RHBDD1: variants seen among roughly 807,000 people sequenced by gnomAD.
RHBDD1 encodes the protein rhomboid domain containing 1, also known as rhomboid-related protein 4.
Under a neutral mutation model 36.3 loss-of-function variants are expected in RHBDD1, and 38 were observed. That is an observed-to-expected ratio of 1.05 (90% confidence interval 0.81 to 1.37). The LOEUF is 1.37. RHBDD1 is among the 40% of genes most tolerant of loss of function. RHBDD1 has a pLI of 0.00. For synonymous variants in RHBDD1, 151 were observed against 136.5 expected (o/e 1.11, Z -0.74); for missense variants, 393 against 377.6 (o/e 1.04, Z -0.34).
intron 5 of RHBDD1, among the ~76,000 whole-genome samples, chr2:226,871,640 C>T (rs1361481570): frequency 2.0e-5 from 3 of 152,072 alleles, no homozygotes; most frequent in Non-Finnish European, 4.4e-5. Flanking sequence ...ATAGAATATC[C>T]CACACTCTAG....
the RHBDD1 span, chr2:226,811,129 T>A: frequency 6.6e-6 from 1 of 152,226 alleles, no homozygotes; most frequent in Non-Finnish European, 1.5e-5. Context: ...GCCATTTCTT[T>A]TCTCCCCGAA....
chr2:226,875,191 G>A lies in RHBDD1; in HGVS notation c.566+7873G>A, dbSNP rs568937046. On this transcript the variant is annotated intron_variant, in intron 5 of 8. Coordinates refer to ENST00000392062, the MANE Select transcript of RHBDD1 (RefSeq NM_001167608.3). ...CAAAGTAGGCAATTAGTAAATATTT[G>A]TTGTTGGATGGACATAAGATAAGGA... Among the ~76,000 whole-genome samples the A allele has an allele frequency of 9.9e-5, 15 of 152,248 alleles. No individual in the cohort carries two copies. The South Asian group carries it at 1.0e-3, about 11-fold the overall frequency.
At chr2:226,990,324 C>T (rs1159248355) in intron 8 of RHBDD1, among the ~76,000 whole-genome samples, 2 of 152,108 alleles carry the variant, frequency 1.3e-5, no homozygotes, top group Admixed American at 6.5e-5. Flanking sequence ...GAACATGGGT[C>T]GCATGCTGCT....
chr2:226,953,590 T>C (rs1951576323), intron 8 of RHBDD1, among the ~76,000 whole-genome samples: 1 of 152,164 alleles, frequency 6.6e-6, no homozygotes. Context: ...CCTTATCACC[T>C]AAGTTTGTTT....
intron 3 of RHBDD1, among the ~76,000 whole-genome samples, chr2:226,863,243 G>A (rs983744804): frequency 2.6e-5 from 4 of 152,216 alleles, no homozygotes; most frequent in Non-Finnish European, 5.9e-5. Context: ...GGAGGCTGAG[G>A]CATAAGAATC....
the RHBDD1 span, among the ~76,000 whole-genome samples, chr2:226,816,309 T>C: frequency 9.2e-5 from 12 of 131,048 alleles, no homozygotes; most frequent in South Asian, 2.8e-3. Flanking sequence ...AGAAACCCAA[T>C]AGCACATTTG....
At chr2:226,921,798 T>C (rs59630650) in intron 8 of RHBDD1, among the ~76,000 whole-genome samples, 70,842 of 151,958 alleles carry the variant, frequency 0.47, 16,778 homozygotes, top group African/African-American at 0.55. Flanking sequence ...AGGAAAAGAA[T>C]GTGTGTTCTG....
chr2:226,903,874 G>A (rs563926372), intron 5 of RHBDD1, among the ~76,000 whole-genome samples: 2 of 152,264 alleles, frequency 1.3e-5, no homozygotes, highest in Admixed American at 6.5e-5. Flanking sequence ...ATAGCAGAAC[G>A]GCGCAACAGA....
At chr2:226,935,823 T>C (rs1950295566) in intron 8 of RHBDD1, among the ~76,000 whole-genome samples, 1 of 152,114 alleles carries the variant, frequency 6.6e-6, no homozygotes, top group Non-Finnish European at 1.5e-5. Context: ...CAAACAGCTA[T>C]ATAAAGCAGA....
At chr2:226,825,210 G>A in the RHBDD1 span, among the ~76,000 whole-genome samples, 1 of 152,150 alleles carries the variant, frequency 6.6e-6, no homozygotes, top group African/African-American at 2.4e-5. Context: ...CACAGAGAAT[G>A]TGATTTGACA....
At chr2:226,906,715 C>G in intron 5 of RHBDD1, 78 bp from the exon 6 acceptor site, 2 of 1,610,492 alleles carry the variant, frequency 1.2e-6, no homozygotes, top group Non-Finnish European at 1.7e-6. Flanking sequence ...ATTTGACATG[C>G]ACTGGGCTAA....
chr2:226,867,723 A>G, intron 5 of RHBDD1: 2 of 896,248 alleles, frequency 2.2e-6, no homozygotes, highest in Non-Finnish European at 2.7e-6. Context: ...TATTATTATT[A>G]TTCTTTTTTT....
intron 8 of RHBDD1, chr2:226,914,771 A>G (rs1164187164): frequency 6.5e-6 from 1 of 153,450 alleles, no homozygotes; most frequent in Non-Finnish European, 1.5e-5. Context: ...CTAAGAATTC[A>G]AGCTCAGATT....
intron 8 of RHBDD1, among the ~76,000 whole-genome samples, chr2:226,945,304 C>A (rs1401524903): frequency 6.6e-6 from 1 of 152,042 alleles, no homozygotes; most frequent in East Asian, 1.9e-4. Flanking sequence ...TGGTATCCCT[C>A]CCCTAGCCTC....
intron 5 of RHBDD1, among the ~76,000 whole-genome samples, chr2:226,883,093 T>C (rs987084036): frequency 5.9e-5 from 9 of 151,748 alleles, no homozygotes; most frequent in African/African-American, 2.0e-4. Flanking sequence ...GGACACAGTT[T>C]GGTCCATAAG....
intron 3 of RHBDD1, among the ~76,000 whole-genome samples, chr2:226,860,346 C>T (rs1157111870): frequency 6.6e-6 from 1 of 152,140 alleles, no homozygotes; most frequent in Non-Finnish European, 1.5e-5. Context: ...ATTTCCAAAA[C>T]CCAACAGATT....
At chr2:226,995,099 A>T (rs930629773) in intron 8 of RHBDD1, among the ~76,000 whole-genome samples, 2 of 146,126 alleles carry the variant, frequency 1.4e-5, no homozygotes, top group Non-Finnish European at 3.0e-5. Flanking sequence ...ATATGGGCAT[A>T]AAAAAAAAAA....
At chr2:226,895,019 T>G (rs902422376) in intron 5 of RHBDD1, among the ~76,000 whole-genome samples, 7 of 152,138 alleles carry the variant, frequency 4.6e-5, no homozygotes, top group Non-Finnish European at 7.4e-5. Context: ...CAGGGTGTGG[T>G]AGGGCTGAGC....
intron 8 of RHBDD1, among the ~76,000 whole-genome samples, chr2:226,934,114 C>G (rs1256320088): frequency 6.6e-6 from 1 of 152,100 alleles, no homozygotes. Context: ...ATGTTTCGCT[C>G]AGCAACAGAC....
Sources: gnomAD v4.1 joint callset for allele counts (sites outside exome capture counted in the v4.1 genomes callset) on GRCh38, gnomAD v4.1.1 for gene constraint, MANE v1.5 for transcripts, NCBI Gene and HGNC (gene_info 2026-07-23, HGNC 2026-07-21) for gene names.